The following DLC1 variants were observed in gnomAD, a reference collection of about 807,000 sequenced individuals.
DLC1 encodes DLC1 Rho GTPase activating protein.
In DLC1, 54 loss-of-function variants were observed where a neutral mutation model predicts 140.3. The observed-to-expected ratio is 0.38, with a 90% CI of 0.31 to 0.48. The LOEUF (loss-of-function observed/expected upper bound fraction) is 0.48, where lower values mean the gene tolerates loss of function less well. Among genes scored for constraint, DLC1 ranks in the 20% least tolerant of loss-of-function variants. DLC1 has a pLI of 0.96. For missense variants in DLC1, 2,536 were observed against 1,907.0 expected, an observed-to-expected ratio of 1.33 and a Z score of -6.14; for synonymous variants, 986 against 728.1, an observed-to-expected ratio of 1.35 and a Z score of -5.70.
intron 4 of DLC1, among the ~76,000 whole-genome samples, chr8:13,333,086 C>T (rs1833668278): frequency 6.6e-6 from 1 of 152,080 alleles, no homozygotes. Flanking sequence ...TTTCATATTG[C>T]ACTTACTACT....
At chr8:13,240,805 T>G (rs532412967) in intron 5 of DLC1, among the ~76,000 whole-genome samples, 1 of 152,216 alleles carries the variant, frequency 6.6e-6, no homozygotes, top group Non-Finnish European at 1.5e-5. Flanking sequence ...AATGGAAATA[T>G]ATATATTTTC....
At chr8:13,485,631 G>C (rs1253006350) in intron 2 of DLC1, among the ~76,000 whole-genome samples, 1 of 152,194 alleles carries the variant, frequency 6.6e-6, no homozygotes, top group African/African-American at 2.4e-5. Context: ...CTTAAAAATG[G>C]AAAGACGTAT....
chr8:13,257,196 G>A (rs17127848), intron 5 of DLC1, among the ~76,000 whole-genome samples: 13,805 of 151,410 alleles, frequency 0.091, 714 homozygotes, highest in South Asian at 0.17. Context: ...CACAGTTCCC[G>A]GGACTACATA....
At chr8:13,550,575 T>C (rs1803812650) in intron 1 of DLC1, among the ~76,000 whole-genome samples, 2 of 152,184 alleles carry the variant, frequency 1.3e-5, no homozygotes, top group Admixed American at 1.3e-4. Context: ...CATATGGTTT[T>C]CTGCAGGAGC....
intron 5 of DLC1, among the ~76,000 whole-genome samples, chr8:13,154,144 T>A (rs1824059610): frequency 6.6e-6 from 1 of 152,210 alleles, no homozygotes; most frequent in African/African-American, 2.4e-5. Flanking sequence ...GTTCTCCAAG[T>A]CCCCAGCAGA....
intron 5 of DLC1, among the ~76,000 whole-genome samples, chr8:13,252,505 G>C (rs1477887522): frequency 6.6e-6 from 1 of 152,092 alleles, no homozygotes; most frequent in Non-Finnish European, 1.5e-5. Flanking sequence ...TGTTAATACG[G>C]TCATATGGTT....
At chr8:13,269,793 C>T (rs532266643) in intron 5 of DLC1, among the ~76,000 whole-genome samples, 14 of 151,092 alleles carry the variant, frequency 9.3e-5, no homozygotes. Flanking sequence ...CGCAGTGGCC[C>T]GTGCCTGTAA....
Position 13,375,267 on chromosome 8 carries a change from T to A in DLC1, c.1314+18286A>T, listed in dbSNP as rs767377703. ...TGGTCTCGATCTCCTGACCTCGTGA[T>A]CCACCCACCTCGGCCTCCCAAAGTG... is the stretch of plus-strand genomic sequence containing the variant. On this transcript the variant is annotated intron_variant, in intron 4 of 17. Transcript: ENST00000276297. 1.8e-4 allele frequency among the ~76,000 whole-genome samples: 28 copies of A among 152,142 alleles called. 1 individual carries two copies. Among genetic ancestry groups the A allele is most frequent in the Non-Finnish European group, 3.4e-4 (23 of 68,018 alleles).
At position 13,131,612 on chromosome 8, in the gene DLC1, G is replaced by C. The variant is rs77704772; in HGVS notation, c.1349-15955C>G. Among the ~76,000 whole-genome samples the C allele has an allele frequency of 5.9e-3, 897 of 152,240 alleles. 8 individuals are homozygous for C. Among genetic ancestry groups the C allele is most frequent in the African/African-American group, 0.02 (818 of 41,558 alleles). On this transcript the variant is annotated intron_variant, in intron 5 of 17. Transcript: ENST00000276297. ...AAGTGCAGATTAATGACTGCAAGCA[G>C]GGGTTTCCTTCTGCGGTGATTAGCA...
chr8:13,347,108 G>A (rs1403654127), intron 4 of DLC1, among the ~76,000 whole-genome samples: 1 of 152,134 alleles, frequency 6.6e-6, no homozygotes, highest in Non-Finnish European at 1.5e-5. Flanking sequence ...GTATACACAG[G>A]GTTTGGTACT....
intron 5 of DLC1, among the ~76,000 whole-genome samples, chr8:13,137,595 T>C (rs1019375220): frequency 1.5e-5 from 2 of 130,982 alleles, no homozygotes; most frequent in African/African-American, 5.9e-5. Context: ...ACATCAGTTT[T>C]TGGTTTTGTT....
At chr8:13,281,479 G>C (rs867652307) in intron 5 of DLC1, among the ~76,000 whole-genome samples, 1 of 152,160 alleles carries the variant, frequency 6.6e-6, no homozygotes, top group Non-Finnish European at 1.5e-5. Flanking sequence ...CTGTATCTAC[G>C]CATATAGTTC....
At position 13,499,768 on chromosome 8, in the gene DLC1, C is replaced by A. The variant is rs1329240649; in HGVS notation, c.304G>T (p.Ala102Ser). 5 of 1,614,050 alleles carry A rather than the reference C, an allele frequency of 3.1e-6. No individual in the cohort carries two copies. In the South Asian group the frequency reaches 5.5e-5, roughly 18 times the overall value. The change falls in exon 2 of 18, where the codon GCC becomes TCC. Residue 102 changes from alanine (A) to serine (S), a missense_variant. Coordinates refer to ENST00000276297, the MANE Select transcript of DLC1 (RefSeq NM_182643.3). ...ACATGCACTAGTGTTTCTGTGCTGG[C>A]TTCCAGAGAAAGAAACTGATCTTCA... ...EGEDQFLSLE[A>S]STETLVHVSD...
intron 4 of DLC1, among the ~76,000 whole-genome samples, chr8:13,363,333 A>G (rs2117084474): frequency 6.7e-6 from 1 of 148,810 alleles, no homozygotes; most frequent in South Asian, 2.1e-4. Context: ...GAGACTTAGT[A>G]TATGTCATTG....
At chr8:13,197,568 G>T (rs942777823) in intron 5 of DLC1, among the ~76,000 whole-genome samples, 1 of 151,910 alleles carries the variant, frequency 6.6e-6, no homozygotes, top group Non-Finnish European at 1.5e-5. Flanking sequence ...GGATGGTCTC[G>T]ATCTCCTGAC....
At chr8:13,180,256 C>G (rs2116972032) in intron 5 of DLC1, among the ~76,000 whole-genome samples, 1 of 152,272 alleles carries the variant, frequency 6.6e-6, no homozygotes, top group East Asian at 1.9e-4. Context: ...GCATTTACTC[C>G]ATTACTTATG....
chr8:13,559,002 A>G (rs192755535), intron 1 of DLC1: 1 of 152,380 alleles, frequency 6.6e-6, no homozygotes, highest in Admixed American at 6.5e-5. Flanking sequence ...TATGACTTAG[A>G]CCTACACATA....
chr8:13,256,529 T>C (rs1586015814), intron 5 of DLC1, among the ~76,000 whole-genome samples: 1 of 152,252 alleles, frequency 6.6e-6, no homozygotes, highest in East Asian at 1.9e-4. Context: ...CACCATGGAA[T>C]ATACTATGCA....
intron 6 of DLC1, 97 bp downstream of exon 6, chr8:13,115,489 A>G (rs1820472850): frequency 1.7e-6 from 2 of 1,159,068 alleles, no homozygotes; most frequent in Non-Finnish European, 2.4e-6. Flanking sequence ...AAACATTTAA[A>G]CGATAAAACT....
Sources: allele counts gnomAD v4.1 joint callset (sites outside exome capture counted in the v4.1 genomes callset), GRCh38; gene constraint gnomAD v4.1.1; transcripts MANE v1.5; gene names NCBI Gene and HGNC (gene_info 2026-07-23, HGNC 2026-07-21).